Variants in ATP9B observed in about 807,000 individuals in gnomAD.
ATP9B encodes the protein probable phospholipid-transporting ATPase IIB.
A neutral mutation model predicts 146.1 loss-of-function variants in ATP9B; 110 were observed. The ratio of observed to expected loss-of-function variants is 0.75; its 90% CI spans 0.65 to 0.88. The LOEUF (loss-of-function observed/expected upper bound fraction) is 0.88. ATP9B is among the 40% of genes least tolerant of loss of function. The pLI is 0.00. For synonymous variants in ATP9B, 604 were observed against 569.7 expected (o/e 1.06, Z -0.86); for missense variants, 1,499 against 1,496.4 (o/e 1.00, Z -0.03).
At chr18:79,200,462 A>G (rs1305113517) in intron 9 of ATP9B, among the ~76,000 whole-genome samples, 2 of 152,224 alleles carry the variant, frequency 1.3e-5, no homozygotes, top group African/African-American at 4.8e-5. Context: ...CTATTCATGA[A>G]GTTGACCCCA....
intron 8 of ATP9B, among the ~76,000 whole-genome samples, chr18:79,188,507 C>CT (rs2095330330): frequency 1.3e-5 from 2 of 152,220 alleles, no homozygotes; most frequent in Admixed American, 1.3e-4. Context: ...ATCCACCTGT[C>CT]TTTTCCTTCA....
intron 12 of ATP9B, among the ~76,000 whole-genome samples, chr18:79,258,649 G>A (rs539871690): frequency 8.5e-5 from 13 of 152,224 alleles, no homozygotes; most frequent in African/African-American, 2.4e-4. Flanking sequence ...GGCTTTCTGC[G>A]GGTCTCTCTT....
chr18:79,266,745 TATTG>T lies in ATP9B; in HGVS notation c.1269-10303_1269-10300del, dbSNP rs1341797369. Among the ~76,000 whole-genome samples, 3 of 152,268 alleles carry T rather than the reference TATTG, an allele frequency of 2.0e-5. No homozygotes were observed. The South Asian group carries it at 6.2e-4, about 32-fold the overall frequency. The stretch of plus-strand genomic sequence containing the variant: ...TTTAATGTATTAACACGGTAAATGA[TATTG>T]ATTGACTTTCTAGTGTCATACCAAC... On this transcript the variant is annotated intron_variant, in intron 12 of 29. Coordinates refer to ENST00000426216, the MANE Select transcript of ATP9B (RefSeq NM_198531.5).
intron 19 of ATP9B, among the ~76,000 whole-genome samples, chr18:79,339,591 T>C (rs1333209848): frequency 6.6e-6 from 1 of 151,058 alleles, no homozygotes; most frequent in Non-Finnish European, 1.5e-5. Context: ...TATATCATGA[T>C]TGCAGTAGGA....
At chr18:79,264,001 C>T (rs1235528952) in intron 12 of ATP9B, among the ~76,000 whole-genome samples, 1 of 152,052 alleles carries the variant, frequency 6.6e-6, no homozygotes, top group Non-Finnish European at 1.5e-5. Context: ...AGGAGAATGG[C>T]GTCAACCCGG....
chr18:79,247,515 T>C (rs2095979768), intron 11 of ATP9B, among the ~76,000 whole-genome samples: 1 of 152,196 alleles, frequency 6.6e-6, no homozygotes, highest in Admixed American at 6.5e-5. Context: ...GTAATATGCT[T>C]GCAAATTTTA....
chr18:79,180,139 C>T (rs1233367197), intron 8 of ATP9B, among the ~76,000 whole-genome samples: 2 of 151,834 alleles, frequency 1.3e-5, no homozygotes, highest in African/African-American at 4.8e-5. Flanking sequence ...TTTTATATAT[C>T]TTTTTCTTTG....
At chr18:79,259,410 G>C (rs1175645890) in intron 12 of ATP9B, among the ~76,000 whole-genome samples, 1 of 148,722 alleles carries the variant, frequency 6.7e-6, no homozygotes, top group Non-Finnish European at 1.5e-5. Context: ...ATCAGTGCTG[G>C]GTCAGAGTGT....
intron 2 of ATP9B, among the ~76,000 whole-genome samples, chr18:79,102,242 T>G (rs1441459949): frequency 6.6e-6 from 1 of 152,212 alleles, no homozygotes; most frequent in African/African-American, 2.4e-5. Context: ...AGGTCTGAAT[T>G]ATTGCTTTTG....
intron 27 of ATP9B, among the ~76,000 whole-genome samples, chr18:79,373,520 C>T (rs567362251): frequency 3.4e-5 from 5 of 146,662 alleles, no homozygotes; most frequent in South Asian, 2.2e-4. Context: ...GACAGAGTCT[C>T]GCTCTGTCAC....
intron 8 of ATP9B, among the ~76,000 whole-genome samples, chr18:79,183,986 A>G (rs1010007817): frequency 6.6e-6 from 1 of 152,122 alleles, no homozygotes; most frequent in African/African-American, 2.4e-5. Context: ...ATATTCTCCA[A>G]TCTGTTTCTT....
chr18:79,198,502 G>A (rs1174786732), intron 9 of ATP9B, among the ~76,000 whole-genome samples: 1 of 152,192 alleles, frequency 6.6e-6, no homozygotes, highest in African/African-American at 2.4e-5. Flanking sequence ...GTTACATTCT[G>A]AGAAGTAAGT....
At chr18:79,244,583 C>T (rs921666043) in intron 11 of ATP9B, among the ~76,000 whole-genome samples, 2 of 152,234 alleles carry the variant, frequency 1.3e-5, no homozygotes, top group African/African-American at 4.8e-5. Flanking sequence ...AATCTGATGA[C>T]ATTTTAGTAC....
At chr18:79,084,479 C>A (rs921090687) in intron 1 of ATP9B, among the ~76,000 whole-genome samples, 1 of 151,414 alleles carries the variant, frequency 6.6e-6, no homozygotes, top group Non-Finnish European at 1.5e-5. Flanking sequence ...TTGCTATAAA[C>A]TTAATTCACT....
intron 5 of ATP9B, among the ~76,000 whole-genome samples, chr18:79,134,240 T>G (rs1391722989): frequency 6.6e-6 from 1 of 152,218 alleles, no homozygotes; most frequent in Non-Finnish European, 1.5e-5. Flanking sequence ...TCTTGTTCTG[T>G]CCTGTACTGT....
chr18:79,236,602 A>G, intron 11 of ATP9B, among the ~76,000 whole-genome samples: 2 of 152,200 alleles, frequency 1.3e-5, no homozygotes, highest in East Asian at 3.8e-4. Flanking sequence ...GTTTTTGTAT[A>G]TAAGAAGAAG....
At chr18:79,219,581 G>C (rs954853356) in intron 11 of ATP9B, among the ~76,000 whole-genome samples, 2 of 152,078 alleles carry the variant, frequency 1.3e-5, no homozygotes, top group African/African-American at 4.8e-5. Context: ...GCCACCACAG[G>C]AACTATGGCA....
At chr18:79,359,637 T>G in intron 26 of ATP9B, 175 bp downstream of exon 26, 1 of 597,972 alleles carries the variant, frequency 1.7e-6, no homozygotes. Flanking sequence ...TCTCTTTGAG[T>G]TAAACTTCAA....
intron 6 of ATP9B, among the ~76,000 whole-genome samples, chr18:79,147,361 A>G (rs930671060): frequency 3.9e-5 from 6 of 152,302 alleles, no homozygotes; most frequent in African/African-American, 1.2e-4. Context: ...GCATGCATAG[A>G]CCACCGTACC....
Sources: allele counts gnomAD v4.1 joint callset (sites outside exome capture counted in the v4.1 genomes callset), GRCh38; gene constraint gnomAD v4.1.1; transcripts MANE v1.5; gene names NCBI Gene and HGNC (gene_info 2026-07-23, HGNC 2026-07-21).